SCAPER: variants seen among roughly 807,000 people sequenced by gnomAD.
SCAPER encodes the protein S-phase cyclin A associated protein in the ER, also known as S phase cyclin A-associated protein in the endoplasmic reticulum.
In SCAPER, 98 loss-of-function variants were observed where a neutral mutation model predicts 182.2. That is an observed-to-expected ratio of 0.54 (90% CI 0.46 to 0.64). The LOEUF is 0.64. Ranked by LOEUF, SCAPER falls within the 30% of genes least tolerant of loss-of-function variation. The pLI is 0.00. For synonymous variants in SCAPER, 605 were observed against 564.6 expected (o/e 1.07, Z -1.01); for missense variants, 1,432 against 1,690.0 (o/e 0.85, Z 2.68).
At position 76,772,375 on chromosome 15, in the gene SCAPER, T is replaced by C. The variant is rs114834912; in HGVS notation, c.1036-421A>G. Among the ~76,000 whole-genome samples the C allele has an allele frequency of 3.6e-3, 551 of 152,118 alleles. 2 individuals are homozygous for C. Among genetic ancestry groups the C allele is most frequent in the African/African-American group, 0.013 (530 of 41,560 alleles). On this transcript the variant is annotated intron_variant, in intron 9 of 31. Transcript: ENST00000563290. ...GACTGTCTAATATCAAATGAGGACA[T>C]TCAGTACTTTTGAAAAAATCCTGAA...
chr15:76,415,268 G>A (rs768451371), intron 26 of SCAPER, among the ~76,000 whole-genome samples: 23 of 152,026 alleles, frequency 1.5e-4, no homozygotes, highest in Non-Finnish European at 2.9e-4. Context: ...AACTTTTTTG[G>A]TATTTGGTAT....
chr15:76,669,397 C>A (rs1403408620), intron 20 of SCAPER, among the ~76,000 whole-genome samples: 1 of 151,668 alleles, frequency 6.6e-6, no homozygotes, highest in Non-Finnish European at 1.5e-5. Flanking sequence ...AAACAAATAA[C>A]CCAGGTCTTT....
chr15:76,836,132 C>T (rs528783054), intron 5 of SCAPER, among the ~76,000 whole-genome samples: 1 of 152,000 alleles, frequency 6.6e-6, no homozygotes, highest in Admixed American at 6.5e-5. Flanking sequence ...GATTCAATGC[C>T]AAACTACCAA....
At chr15:76,456,181 A>G (rs368272146) in intron 25 of SCAPER, among the ~76,000 whole-genome samples, 46 of 152,282 alleles carry the variant, frequency 3.0e-4, no homozygotes, top group African/African-American at 1.1e-3. Context: ...TGGGTTATAT[A>G]CCCAGTGATG....
At chr15:76,371,844 G>C (rs1009718269) in intron 29 of SCAPER, among the ~76,000 whole-genome samples, 2 of 151,898 alleles carry the variant, frequency 1.3e-5, no homozygotes, top group Non-Finnish European at 2.9e-5. Flanking sequence ...CTTGAACCCA[G>C]GAGGCGGAGG....
intron 10 of SCAPER, among the ~76,000 whole-genome samples, chr15:76,771,155 T>C (rs1247388269): frequency 2.6e-5 from 4 of 152,110 alleles, no homozygotes; most frequent in Admixed American, 6.6e-5. Flanking sequence ...AAAGTTAGCA[T>C]GATTTATTCT....
intron 25 of SCAPER, among the ~76,000 whole-genome samples, chr15:76,450,567 A>T (rs1384147058): frequency 6.6e-6 from 1 of 152,088 alleles, no homozygotes; most frequent in East Asian, 1.9e-4. Flanking sequence ...ACACATATAT[A>T]TTTTGAGATG....
At chr15:76,512,626 T>C (rs1934129140) in intron 23 of SCAPER, among the ~76,000 whole-genome samples, 1 of 151,848 alleles carries the variant, frequency 6.6e-6, no homozygotes, top group South Asian at 2.1e-4. Flanking sequence ...TAAAAGCAGA[T>C]CATTTTAATG....
At chr15:76,757,455 T>C (rs74817026) in intron 14 of SCAPER, among the ~76,000 whole-genome samples, 2,233 of 150,510 alleles carry the variant, frequency 0.015, 70 homozygotes, top group East Asian at 0.14. Context: ...GTTTTATATA[T>C]ACACACACAC....
intron 26 of SCAPER, among the ~76,000 whole-genome samples, chr15:76,416,692 G>A (rs1319049203): frequency 6.6e-6 from 1 of 151,866 alleles, no homozygotes; most frequent in Non-Finnish European, 1.5e-5. Flanking sequence ...TCTATCATAA[G>A]AAAATAATCA....
intron 2 of SCAPER, among the ~76,000 whole-genome samples, chr15:76,868,362 C>T (rs961480944): frequency 2.5e-4 from 38 of 151,782 alleles, no homozygotes; most frequent in African/African-American, 8.7e-4. Context: ...CATTGCACTC[C>T]AGCCTGGGTG....
chr15:76,655,326 A>C (rs917122332), intron 21 of SCAPER, among the ~76,000 whole-genome samples: 5 of 152,156 alleles, frequency 3.3e-5, no homozygotes, highest in African/African-American at 1.2e-4. Context: ...TAGTTTTCCA[A>C]ATTAAATCAG....
intron 2 of SCAPER, among the ~76,000 whole-genome samples, chr15:76,876,438 C>CAAAAAAAAAAAAA (rs33959211): frequency 2.4e-5 from 3 of 122,726 alleles, no homozygotes; most frequent in Non-Finnish European, 3.3e-5. Flanking sequence ...AAAACAAAAG[C>CAAAAAAAAAAAAA]AAAAAAAAAA....
Position 76,748,155 on chromosome 15 carries a change from T to G in SCAPER, c.1866+5653A>C, listed in dbSNP as rs2061901227. ...ACAGGCATGCGCCACCATGCCGCGCTAATTTTGTATTTTTAGTAGAGACGG... is the reference window on the plus strand; with the variant it reads ...ACAGGCATGCGCCACCATGCCGCGCGAATTTTGTATTTTTAGTAGAGACGG... On this transcript the variant is annotated intron_variant, in intron 15 of 31. Transcript: ENST00000563290. 2.0e-5 allele frequency among the ~76,000 whole-genome samples: 3 copies of G among 152,000 alleles called. No homozygotes were observed. In the South Asian group the frequency reaches 6.2e-4, roughly 32 times the overall value.
chr15:76,400,912 T>C (rs1262128817), intron 27 of SCAPER, among the ~76,000 whole-genome samples: 1 of 151,492 alleles, frequency 6.6e-6, no homozygotes, highest in Admixed American at 6.6e-5. Context: ...ATAAATTATA[T>C]AGTAATTAAA....
intron 21 of SCAPER, among the ~76,000 whole-genome samples, chr15:76,624,371 C>G (rs1311166434): frequency 6.6e-6 from 1 of 151,986 alleles, no homozygotes; most frequent in African/African-American, 2.4e-5. Context: ...ACAAGGAGGA[C>G]TACAAAACAT....
At chr15:76,899,183 T>C (rs2074609008) in intron 1 of SCAPER, among the ~76,000 whole-genome samples, 1 of 152,232 alleles carries the variant, frequency 6.6e-6, no homozygotes, top group Non-Finnish European at 1.5e-5. Context: ...CGTCTCCCTC[T>C]TTCTATGGTC....
intron 21 of SCAPER, among the ~76,000 whole-genome samples, chr15:76,654,717 A>C (rs2055474895): frequency 6.6e-6 from 1 of 152,224 alleles, no homozygotes; most frequent in South Asian, 2.1e-4. Context: ...GAGTGGGACA[A>C]GTCCCTGACT....
rs756168366 is a variant in SCAPER at position 76,665,639 on chromosome 15, G to C, written c.2645+14C>G. The C allele has an allele frequency of 6.4e-7, 1 of 1,568,640 alleles. No homozygotes were observed. The highest frequency in any genetic ancestry group is 8.6e-7 in the Non-Finnish European group (1 of 1,164,608). ...TAAAAGTTTTTCTTTTGCTTTTAAG[G>C]GTATTTAAGGTACCTGAAGTTCATC... On this transcript the variant is annotated intron_variant, in intron 21 of 31. Transcript: ENST00000563290.
Sources: gnomAD v4.1 joint callset for allele counts (sites outside exome capture counted in the v4.1 genomes callset) on GRCh38, gnomAD v4.1.1 for gene constraint, MANE v1.5 for transcripts, NCBI Gene and HGNC (gene_info 2026-07-23, HGNC 2026-07-21) for gene names.